Variants in FMN2 observed in about 807,000 individuals in gnomAD.
The protein encoded by FMN2 is formin-2.
A neutral mutation model predicts 142.3 loss-of-function variants in FMN2; 51 were observed. The ratio of observed to expected loss-of-function variants is 0.36; its 90% CI spans 0.29 to 0.45. FMN2 has a LOEUF of 0.45. Ranked by LOEUF, FMN2 falls within the 20% of genes least tolerant of loss-of-function variation. FMN2 has a pLI of 1.00. For missense variants in FMN2, 1,936 were observed against 2,122.8 expected (o/e 0.91, Z 1.73); for synonymous variants, 882 against 869.8 (o/e 1.01, Z -0.25).
At chr1:240,264,406 A>G (rs1434187435) in intron 7 of FMN2, among the ~76,000 whole-genome samples, 5 of 152,050 alleles carry the variant, frequency 3.3e-5, no homozygotes, top group African/African-American at 1.2e-4. Context: ...TTATACTTTA[A>G]GTTCTAGGGT....
chr1:240,392,267 C>A (rs1224702984), intron 14 of FMN2, among the ~76,000 whole-genome samples: 2 of 151,794 alleles, frequency 1.3e-5, no homozygotes, highest in Non-Finnish European at 2.9e-5. Flanking sequence ...TTTTCAGAAT[C>A]TGAAATTTTT....
At chr1:240,262,516 A>G (rs2102904804) in intron 7 of FMN2, among the ~76,000 whole-genome samples, 1 of 152,210 alleles carries the variant, frequency 6.6e-6, no homozygotes, top group South Asian at 2.1e-4. Flanking sequence ...TTCTGTGAAA[A>G]TTGATTAAAT....
intron 2 of FMN2, among the ~76,000 whole-genome samples, chr1:240,138,231 C>T (rs953130896): frequency 2.1e-4 from 32 of 151,672 alleles, no homozygotes; most frequent in African/African-American, 7.0e-4. Flanking sequence ...CGTGGTCAGT[C>T]GCGTGTTTTA....
chr1:240,187,940 C>T (rs893162872), intron 3 of FMN2, among the ~76,000 whole-genome samples: 7 of 151,902 alleles, frequency 4.6e-5, no homozygotes, highest in Non-Finnish European at 1.0e-4. Context: ...AACTAGCAAT[C>T]GAGACAAATA....
At position 240,207,570 on chromosome 1, in the gene FMN2, A is replaced by C. The variant is rs1291055377; in HGVS notation, c.2758A>C (p.Ile920Leu). 1.9e-6 allele frequency: 3 copies of C among 1,591,774 alleles called. No homozygotes were observed. Among genetic ancestry groups the C allele is most frequent in the Admixed American group, 3.4e-5 (2 of 58,434 alleles). ...TCCCCCTCCTCTTCCCGGAGCGGGC[A>C]TACCTCCTCCGCCGCCTCTACCCGG... ...PPPPPLPGAG[I>L]PPPPPLPGAG... Residue 920 changes from isoleucine to leucine, a missense_variant, in exon 5 of 18, where the codon ATA becomes CTA. By Grantham distance (5) the Ile-to-Leu change is conservative. Transcript: ENST00000319653.
chr1:240,348,303 C>T (rs1409721083), intron 13 of FMN2, among the ~76,000 whole-genome samples: 2 of 151,336 alleles, frequency 1.3e-5, no homozygotes, highest in Non-Finnish European at 1.5e-5. Flanking sequence ...CTCACTGCAA[C>T]CTCTGCCTCC....
chr1:240,097,474 G>C (rs1488802404), intron 1 of FMN2, among the ~76,000 whole-genome samples: 1 of 151,570 alleles, frequency 6.6e-6, no homozygotes, highest in Non-Finnish European at 1.5e-5. Context: ...TCCTGCCTCA[G>C]CCTCCTGAGT....
chr1:240,126,138 C>T (rs191483564), intron 2 of FMN2, among the ~76,000 whole-genome samples: 46 of 152,072 alleles, frequency 3.0e-4, no homozygotes, highest in African/African-American at 1.0e-3. Context: ...CTGGAGAGGG[C>T]GACGATATAA....
At chr1:240,332,536 T>C (rs185421176) in intron 11 of FMN2, among the ~76,000 whole-genome samples, 1 of 152,178 alleles carries the variant, frequency 6.6e-6, no homozygotes, top group Admixed American at 6.5e-5. Context: ...AGTGATCATA[T>C]ATAAATAAGA....
intron 2 of FMN2, among the ~76,000 whole-genome samples, chr1:240,125,375 G>C (rs889790704): frequency 2.6e-5 from 4 of 152,288 alleles, no homozygotes; most frequent in African/African-American, 9.6e-5. Context: ...TCGCTGCTAG[G>C]TAGATCTCTT....
At position 240,093,009 on chromosome 1, in the gene FMN2, G is replaced by C. The variant is rs1223909907; in HGVS notation, c.900G>C (p.Pro300=). 1.4e-6 allele frequency: 2 copies of C among 1,397,330 alleles called. No homozygotes were observed. Among genetic ancestry groups the C allele is most frequent in the East Asian group, 2.9e-5 (1 of 34,272 alleles). 86.6% of individuals were successfully genotyped at this position (1,397,330 alleles called of 1,614,324 possible). ...PQQPPSPGGL[P]VSEAPSLPAA... is the part of the protein sequence containing the mutation. ...AACCGCCGTCCCCCGGCGGCCTCCC[G>C]GTCTCCGAGGCGCCCAGTCTCCCGG... Residue 300 remains proline (P), a synonymous_variant, in exon 1 of 18, where the codon CCG becomes CCC. Transcript: ENST00000319653.
Position 240,092,090 on chromosome 1 carries a change from C to A in FMN2, c.-20C>A. On this transcript the variant is annotated 5_prime_UTR_variant, in exon 1 of 18. Transcript: ENST00000319653. ...GGCCTGAGTGCCCGCGGCGCGGCGGCGCAGCAGCGGGATTGCACCATGGGG... is the reference window on the plus strand; with the variant it reads ...GGCCTGAGTGCCCGCGGCGCGGCGGAGCAGCAGCGGGATTGCACCATGGGG... The A allele has an allele frequency of 6.5e-7, 1 of 1,537,368 alleles. No homozygotes were observed.
chr1:240,338,635 G>A (rs994141318), intron 13 of FMN2, among the ~76,000 whole-genome samples: 13 of 152,056 alleles, frequency 8.5e-5, no homozygotes, highest in South Asian at 2.1e-4. Flanking sequence ...TTAGTTCAGC[G>A]TATTCATGCT....
chr1:240,408,957 G>A lies in FMN2; in HGVS notation c.4910+16395G>A, dbSNP rs183709147. 3.9e-3 allele frequency among the ~76,000 whole-genome samples: 589 copies of A among 152,186 alleles called. 3 individuals carry two copies. Among genetic ancestry groups the A allele is most frequent in the African/African-American group, 0.013 (553 of 41,506 alleles). On this transcript the variant is annotated intron_variant, in intron 15 of 17. Coordinates refer to ENST00000319653, the MANE Select transcript of FMN2 (RefSeq NM_020066.5). ...TGTGAGTGTTTTCAAAACTCGTGCA[G>A]CTTAGCCTTCCTTTTCCCCTTTCAC...
chr1:240,131,623 C>T (rs1411429331), intron 2 of FMN2, among the ~76,000 whole-genome samples: 2 of 151,974 alleles, frequency 1.3e-5, no homozygotes, highest in African/African-American at 2.4e-5. Context: ...GCATGAGAAT[C>T]GCTTGAACCC....
intron 8 of FMN2, 125 bp from the exon 9 acceptor site, chr1:240,328,950 AG>A: frequency 1.2e-6 from 1 of 818,742 alleles, no homozygotes; most frequent in Non-Finnish European, 1.9e-6. Flanking sequence ...ACAGATGCTA[AG>A]AAACATGAAA....
At chr1:240,148,981 T>TAAAA (rs1558321921) in intron 2 of FMN2, among the ~76,000 whole-genome samples, 4 of 120,198 alleles carry the variant, frequency 3.3e-5, no homozygotes, top group East Asian at 2.4e-4. Context: ...CAAAAAAAAA[T>TAAAA]AAATAAATAA....
chr1:240,145,205 TC>T, intron 2 of FMN2: 1 of 1,428,904 alleles, frequency 7.0e-7, no homozygotes, highest in Non-Finnish European at 9.8e-7. Context: ...CACAAGCATC[TC>T]CAGTTCATCT....
chr1:240,435,085 A>G (rs1675320090), intron 15 of FMN2, among the ~76,000 whole-genome samples: 1 of 152,158 alleles, frequency 6.6e-6, no homozygotes. Context: ...CAATTGTTGG[A>G]TACTCATTTG....
Sources: allele counts gnomAD v4.1 joint callset (sites outside exome capture counted in the v4.1 genomes callset), GRCh38; gene constraint gnomAD v4.1.1; transcripts MANE v1.5; gene names NCBI Gene and HGNC (gene_info 2026-07-23, HGNC 2026-07-21).